Variants in COLEC10 observed in about 807,000 individuals in gnomAD.
COLEC10 encodes the protein collectin-10.
In COLEC10, 22 loss-of-function variants were observed where a neutral mutation model predicts 28.4. The observed-to-expected ratio is 0.78, with a 90% CI of 0.55 to 1.11. COLEC10 has a LOEUF of 1.11. Among genes scored for constraint, COLEC10 ranks in the 50% least tolerant of loss-of-function variants. COLEC10 has a pLI of 0.00. For synonymous variants in COLEC10, 125 were observed against 116.1 expected (o/e 1.08, Z -0.49); for missense variants, 361 against 344.1 (o/e 1.05, Z -0.39).
At chr8:119,024,024 G>C (rs1243564372) in intron 2 of COLEC10, among the ~76,000 whole-genome samples, 1 of 152,152 alleles carries the variant, frequency 6.6e-6, no homozygotes, top group Non-Finnish European at 1.5e-5. Context: ...TGTAATAAGG[G>C]CTGGGAGGTA....
At chr8:119,024,516 C>T (rs965226332) in intron 2 of COLEC10, among the ~76,000 whole-genome samples, 8 of 151,748 alleles carry the variant, frequency 5.3e-5, no homozygotes, top group Non-Finnish European at 7.4e-5. Flanking sequence ...GGTAGAATCA[C>T]CCCCAACCAA....
At chr8:118,961,297 T>C in the COLEC10 span, among the ~76,000 whole-genome samples, 1 of 152,250 alleles carries the variant, frequency 6.6e-6, no homozygotes, top group Admixed American at 6.5e-5. Context: ...CCATGGTTCA[T>C]CATATTTTGT....
the COLEC10 span, among the ~76,000 whole-genome samples, chr8:118,964,136 G>T: frequency 6.6e-6 from 1 of 152,156 alleles, no homozygotes; most frequent in African/African-American, 2.4e-5. Flanking sequence ...ACACCAGGGG[G>T]ATAAAAGTAG....
the COLEC10 span, among the ~76,000 whole-genome samples, chr8:118,975,383 C>A: frequency 3.9e-5 from 6 of 151,998 alleles, no homozygotes; most frequent in Non-Finnish European, 7.4e-5. Flanking sequence ...TGTTATCTTA[C>A]GGACAATTTT....
chr8:119,042,010 T>G (rs1176150060), intron 2 of COLEC10, among the ~76,000 whole-genome samples: 6 of 151,606 alleles, frequency 4.0e-5, no homozygotes, highest in Admixed American at 3.3e-4. Context: ...TTTTTTTGGT[T>G]TTTTCGAGAC....
intron 2 of COLEC10, among the ~76,000 whole-genome samples, chr8:119,037,644 A>G (rs1814413057): frequency 6.6e-6 from 1 of 152,174 alleles, no homozygotes; most frequent in Non-Finnish European, 1.5e-5. Context: ...GAGTGATGAG[A>G]GAAATTCCAG....
At chr8:119,050,129 T>C (rs529094593) in intron 2 of COLEC10, among the ~76,000 whole-genome samples, 1 of 152,322 alleles carries the variant, frequency 6.6e-6, no homozygotes, top group East Asian at 1.9e-4. Context: ...TGTAAAGTAC[T>C]TGCAACATGA....
At chr8:119,075,450 A>G (rs930703982) in intron 1 of COLEC10, among the ~76,000 whole-genome samples, 1 of 152,232 alleles carries the variant, frequency 6.6e-6, no homozygotes, top group African/African-American at 2.4e-5. Flanking sequence ...ACACTCAGAG[A>G]TTCAAGTAAA....
At chr8:119,017,704 T>A (rs1263597763) in intron 2 of COLEC10, among the ~76,000 whole-genome samples, 1 of 152,124 alleles carries the variant, frequency 6.6e-6, no homozygotes, top group Non-Finnish European at 1.5e-5. Context: ...AATAATTAAT[T>A]GTATAAATAT....
intron 1 of COLEC10, among the ~76,000 whole-genome samples, chr8:118,996,329 C>T (rs551719681): frequency 4.5e-4 from 68 of 152,178 alleles, no homozygotes; most frequent in African/African-American, 1.6e-3. Context: ...CATGGGACGG[C>T]GCATATCACT....
chr8:119,030,282 A>G (rs1268386928), intron 2 of COLEC10, among the ~76,000 whole-genome samples: 1 of 152,356 alleles, frequency 6.6e-6, no homozygotes, highest in Non-Finnish European at 1.5e-5. Flanking sequence ...ATAATTTTCA[A>G]TATTTAATAG....
upstream of COLEC10, among the ~76,000 whole-genome samples, chr8:119,066,773 A>G (rs1185643662): frequency 6.6e-6 from 1 of 152,208 alleles, no homozygotes; most frequent in Non-Finnish European, 1.5e-5. Context: ...TCTTGGTAGC[A>G]AGAGTAAGAA....
intron 2 of COLEC10, among the ~76,000 whole-genome samples, chr8:119,053,079 A>G (rs554013858): frequency 2.6e-5 from 4 of 152,216 alleles, no homozygotes; most frequent in South Asian, 2.1e-4. Flanking sequence ...CTCCTACTCA[A>G]TTTTAAGTGG....
chr8:119,072,297 C>T (rs906433494), intron 1 of COLEC10, among the ~76,000 whole-genome samples: 1 of 152,204 alleles, frequency 6.6e-6, no homozygotes, highest in Non-Finnish European at 1.5e-5. Flanking sequence ...CATTGAGTAG[C>T]TGAGCACACA....
chr8:119,069,557 G>C (rs1314745668), intron 1 of COLEC10, among the ~76,000 whole-genome samples: 1 of 129,360 alleles, frequency 7.7e-6, no homozygotes, highest in Non-Finnish European at 1.6e-5. Flanking sequence ...CATGGGCCAT[G>C]ATCATGCCAC....
intron 2 of COLEC10, among the ~76,000 whole-genome samples, chr8:119,022,199 G>T (rs1814111070): frequency 6.6e-6 from 1 of 152,114 alleles, no homozygotes. Context: ...CATAAATTGT[G>T]AAAAGAGTCT....
chr8:119,090,658 T>G (rs1209576179), intron 2 of COLEC10, among the ~76,000 whole-genome samples: 1 of 152,234 alleles, frequency 6.6e-6, no homozygotes, highest in African/African-American at 2.4e-5. Flanking sequence ...GTTTTTTGAA[T>G]GAAAACTCAG....
chr8:119,085,289 G>T (rs1815450274), intron 1 of COLEC10, among the ~76,000 whole-genome samples: 1 of 152,164 alleles, frequency 6.6e-6, no homozygotes, highest in South Asian at 2.1e-4. Context: ...GCTAACAATA[G>T]CAGGTCCCAA....
chr8:118,996,065 G>T (rs190475505), intron 1 of COLEC10, among the ~76,000 whole-genome samples: 1 of 152,070 alleles, frequency 6.6e-6, no homozygotes, highest in East Asian at 1.9e-4. Flanking sequence ...AAAACCCCTG[G>T]CAACCAGTGT....
Sources: gnomAD v4.1 joint callset for allele counts (sites outside exome capture counted in the v4.1 genomes callset) on GRCh38, gnomAD v4.1.1 for gene constraint, MANE v1.5 for transcripts, NCBI Gene and HGNC (gene_info 2026-07-23, HGNC 2026-07-21) for gene names.